ABLIM3: variants seen among roughly 807,000 people sequenced by gnomAD.
ABLIM3 encodes the protein actin binding LIM protein family member 3.
A neutral mutation model predicts 109.5 loss-of-function variants in ABLIM3; 61 were observed. That is an observed-to-expected ratio of 0.56 (90% CI 0.45 to 0.69). ABLIM3 has a LOEUF of 0.69. Among genes scored for constraint, ABLIM3 ranks in the 30% least tolerant of loss-of-function variants. The probability of loss-of-function intolerance (pLI) is 0.00; values close to 1 mark genes in which losing one functional copy is unlikely to be tolerated. For missense variants in ABLIM3, 796 were observed against 889.5 expected (o/e 0.89, Z 1.34); for synonymous variants, 300 against 324.8 (o/e 0.92, Z 0.82).
chr5:149,246,636 GC>G, intron 17 of ABLIM3, 90 bp downstream of exon 17: 1 of 1,379,452 alleles, frequency 7.2e-7, no homozygotes, highest in Non-Finnish European at 9.9e-7. Flanking sequence ...ACAGATTCAA[GC>G]CCACTTATGA....
chr5:149,145,502 A>G (rs1459194517), intron 2 of ABLIM3, among the ~76,000 whole-genome samples: 1 of 152,196 alleles, frequency 6.6e-6, no homozygotes, highest in Non-Finnish European at 1.5e-5. Context: ...TTTTGGATAT[A>G]TATCCAGTAA....
At chr5:149,233,182 G>C (rs766629676) in intron 9 of ABLIM3, 47 bp from the exon 10 acceptor site, 4 of 1,582,332 alleles carry the variant, frequency 2.5e-6, no homozygotes, top group Non-Finnish European at 3.5e-6. Flanking sequence ...TCCCCACCAA[G>C]CTCAGGTTGC....
At chr5:149,195,088 A>G (rs950976992) in intron 3 of ABLIM3, among the ~76,000 whole-genome samples, 2 of 152,128 alleles carry the variant, frequency 1.3e-5, no homozygotes, top group African/African-American at 2.4e-5. Flanking sequence ...AATCACTAAA[A>G]CTGTATGACA....
chr5:149,190,441 A>G (rs1234457576), intron 3 of ABLIM3, among the ~76,000 whole-genome samples: 2 of 152,322 alleles, frequency 1.3e-5, no homozygotes, highest in Admixed American at 1.3e-4. Context: ...GCACTTTGGG[A>G]GGCCGAGGCG....
At chr5:149,243,413 G>A (rs923483250) in intron 15 of ABLIM3, 1 of 152,236 alleles carries the variant, frequency 6.6e-6, no homozygotes, top group Admixed American at 6.5e-5. Context: ...GCCACCCTGT[G>A]CACCCACACT....
At chr5:149,206,743 G>C (rs1476545468) in intron 5 of ABLIM3, among the ~76,000 whole-genome samples, 1 of 152,080 alleles carries the variant, frequency 6.6e-6, no homozygotes, top group Non-Finnish European at 1.5e-5. Context: ...AGCAGTGCAG[G>C]GTCCACTTTC....
At chr5:149,168,975 C>T (rs954693523) in intron 2 of ABLIM3, among the ~76,000 whole-genome samples, 7 of 150,630 alleles carry the variant, frequency 4.6e-5, no homozygotes, top group Non-Finnish European at 7.4e-5. Context: ...TCCCGCTCCC[C>T]ACCCCGGTGA....
chr5:149,150,780 G>T (rs993461054), intron 2 of ABLIM3, among the ~76,000 whole-genome samples: 1 of 152,164 alleles, frequency 6.6e-6, no homozygotes, highest in Non-Finnish European at 1.5e-5. Flanking sequence ...GTTCTTAAGG[G>T]CACAGACTGA....
chr5:149,188,345 T>A (rs1159269007), intron 3 of ABLIM3, among the ~76,000 whole-genome samples: 1 of 152,206 alleles, frequency 6.6e-6, no homozygotes, highest in Non-Finnish European at 1.5e-5. Flanking sequence ...CAAAATCAAT[T>A]ATATTTCTAT....
At chr5:149,170,228 T>TTTTCTCTCTCTCTCTCTCTCTCTC (rs1554082423) in intron 2 of ABLIM3, among the ~76,000 whole-genome samples, 1 of 124,604 alleles carries the variant, frequency 8.0e-6, no homozygotes, top group African/African-American at 3.1e-5. Flanking sequence ...AGGGTTCTGT[T>TTTTCTCTCTCTCTCTCTCTCTCTC]TCTCTCTCTC....
intron 2 of ABLIM3, among the ~76,000 whole-genome samples, chr5:149,149,125 G>T (rs76530684): frequency 0.021 from 3,246 of 152,334 alleles, 141 homozygotes; most frequent in East Asian, 0.15. Context: ...GATAAGTAGA[G>T]ACCATGCTGG....
At chr5:149,146,145 T>G (rs1352020573) in intron 2 of ABLIM3, among the ~76,000 whole-genome samples, 2 of 152,162 alleles carry the variant, frequency 1.3e-5, no homozygotes, top group Admixed American at 6.5e-5. Context: ...TAATGGTTTT[T>G]GGGGGCGTGG....
chr5:149,240,593 C>T (rs1377919049), intron 13 of ABLIM3, 83 bp from the exon 14 acceptor site: 7 of 1,116,888 alleles, frequency 6.3e-6, no homozygotes, highest in East Asian at 2.3e-5. Flanking sequence ...CATCACCTCA[C>T]CACTTCCTAA....
In ABLIM3 at chr5:149,252,844, C is replaced by CT. The variant is rs1373918926; in HGVS notation, c.1938+8dup. On this transcript the variant is annotated splice_region_variant and intron_variant, in intron 23 of 23. Coordinates refer to ENST00000309868, the MANE Select transcript of ABLIM3 (RefSeq NM_014945.5). Reference sequence around the variant, plus strand: ...AGACAGGACCCGTTTAGAGGTAAGTCTAAAAAACTGAGCAGGAGCTCTTGG... The same window carrying CT: ...AGACAGGACCCGTTTAGAGGTAAGTCTTAAAAAACTGAGCAGGAGCTCTTGG... The CT allele has an allele frequency of 6.2e-7, 1 of 1,611,208 alleles. No homozygotes were observed. Among genetic ancestry groups the CT allele is most frequent in the Admixed American group, 1.7e-5 (1 of 59,938 alleles).
intron 2 of ABLIM3, 148 bp from the exon 3 acceptor site, chr5:149,183,304 A>G: frequency 2.1e-6 from 2 of 951,946 alleles, no homozygotes; most frequent in Non-Finnish European, 1.5e-6. Flanking sequence ...TTAGCTTGGC[A>G]GTCATCCTGA....
At chr5:149,196,276 A>G (rs1757968360) in intron 3 of ABLIM3, among the ~76,000 whole-genome samples, 2 of 152,226 alleles carry the variant, frequency 1.3e-5, no homozygotes, top group Admixed American at 6.5e-5. Context: ...AGTCTCTCCT[A>G]TTTTTAACCT....
chr5:149,143,840 G>A (rs1311233190), intron 2 of ABLIM3, among the ~76,000 whole-genome samples: 1 of 152,126 alleles, frequency 6.6e-6, no homozygotes, highest in Non-Finnish European at 1.5e-5. Context: ...AAATAAAGAT[G>A]TGAGTTGCCT....
intron 23 of ABLIM3, among the ~76,000 whole-genome samples, chr5:149,256,348 G>C (rs1754425181): frequency 6.6e-6 from 1 of 152,188 alleles, no homozygotes; most frequent in Non-Finnish European, 1.5e-5. Context: ...GTTTCCCTCT[G>C]TCTTTACTAT....
chr5:149,167,130 C>G (rs1303665714), intron 2 of ABLIM3, among the ~76,000 whole-genome samples: 1 of 152,116 alleles, frequency 6.6e-6, no homozygotes, highest in African/African-American at 2.4e-5. Context: ...GAAGATGTTC[C>G]AGGAATCCCT....
Sources: allele counts gnomAD v4.1 joint callset (sites outside exome capture counted in the v4.1 genomes callset), GRCh38; gene constraint gnomAD v4.1.1; transcripts MANE v1.5; gene names NCBI Gene and HGNC (gene_info 2026-07-23, HGNC 2026-07-21).